STX12: variants seen among roughly 807,000 people sequenced by gnomAD.
The protein encoded by STX12 is syntaxin 12, also known as syntaxin-12.
STX12 carries 17 observed loss-of-function variants against 42.2 expected under a neutral mutation model. The observed-to-expected ratio is 0.40, with a 90% CI of 0.28 to 0.60. The LOEUF is 0.60. Among genes scored for constraint, STX12 ranks in the 20% least tolerant of loss-of-function variants. The pLI, the probability that STX12 is intolerant of heterozygous loss-of-function variation, is 0.39. For missense variants in STX12, 297 were observed against 330.9 expected (o/e 0.90, Z 0.79); for synonymous variants, 108 against 116.7 (o/e 0.93, Z 0.48).
Position 27,819,263 on chromosome 1 carries a change from C to T in STX12, c.650-387C>T, listed in dbSNP as rs186873511. Among the ~76,000 whole-genome samples, 255 of 139,048 alleles carry T rather than the reference C, an allele frequency of 1.8e-3. 2 individuals carry two copies. The highest frequency in any genetic ancestry group is 7.2e-3 in the African/African-American group (249 of 34,412). 91.2% of individuals were successfully genotyped at this position (139,048 alleles called of 152,430 possible). ...CAGTCTAGGTGACAGAGTGAGATCCCGTCTCTTAAAAAAAAAAAAAAAAAA... is the reference window on the plus strand; with the variant it reads ...CAGTCTAGGTGACAGAGTGAGATCCTGTCTCTTAAAAAAAAAAAAAAAAAA... On this transcript the variant is annotated intron_variant, in intron 7 of 8. Coordinates refer to ENST00000373943, the MANE Select transcript of STX12 (RefSeq NM_177424.3).
chr1:27,821,074 G>A (rs1438068825), intron 8 of STX12, among the ~76,000 whole-genome samples: 9 of 149,330 alleles, frequency 6.0e-5, no homozygotes, highest in Non-Finnish European at 1.2e-4. Context: ...GCTAGATGAC[G>A]AGTTAGTGGG....
At position 27,822,238 on chromosome 1, in the gene STX12, C is replaced by T; in HGVS notation, c.740C>T (p.Ser247Phe). 6.2e-7 allele frequency: 1 copy of T among 1,608,010 alleles called. No individual in the cohort carries two copies. The highest frequency in any genetic ancestry group is 8.5e-7 in the Non-Finnish European group (1 of 1,174,512). Residue 247 changes from serine (S) to phenylalanine (F), a missense_variant, in exon 9 of 9, where the codon TCT (serine) becomes TTT (phenylalanine). Physicochemically the swap from Ser to Phe is radical, Grantham distance 155. Coordinates refer to ENST00000373943, the MANE Select transcript of STX12 (RefSeq NM_177424.3). ...ACATATTTCTTTCCTCAGAAAAAAT[C>T]TCGCAAGAAGATGTGTATCCTGGTG... ...LQRAAYYQKKSRKKMCILVLV... is the reference protein window; with the variant it reads ...LQRAAYYQKKFRKKMCILVLV...
chr1:27,797,359 T>C (rs1240353187), intron 3 of STX12, among the ~76,000 whole-genome samples: 1 of 152,104 alleles, frequency 6.6e-6, no homozygotes, highest in Non-Finnish European at 1.5e-5. Flanking sequence ...GCCTGGCCTA[T>C]TCACTTTTTT....
intron 7 of STX12, among the ~76,000 whole-genome samples, chr1:27,819,011 C>A (rs1482158844): frequency 6.6e-6 from 1 of 151,956 alleles, no homozygotes; most frequent in Non-Finnish European, 1.5e-5. Context: ...CATGGTTGCT[C>A]ACGCTTGTAA....
At chr1:27,814,825 G>A (rs57099027) in intron 6 of STX12, among the ~76,000 whole-genome samples, 9,928 of 143,746 alleles carry the variant, frequency 0.069, 1,130 homozygotes, top group East Asian at 0.47. Context: ...GCAACAGAGC[G>A]AGACTCTGTC....
rs1300943813 is a variant in STX12 at position 27,816,451 on chromosome 1, A to T, written c.577-1400A>T. 3.4e-5 allele frequency among the ~76,000 whole-genome samples: 5 copies of T among 148,266 alleles called. 1 individual carries two copies. In the South Asian group the frequency reaches 1.1e-3, roughly 32 times the overall value. ...ATTGTGCCACTGCACTCCAGCCTGG[A>T]TGACAGAGCAAGACTCTGTCTCAAA... On this transcript the variant is annotated intron_variant, in intron 6 of 8. Coordinates refer to ENST00000373943, the MANE Select transcript of STX12 (RefSeq NM_177424.3).
chr1:27,807,224 T>C (rs759590307), intron 4 of STX12, among the ~76,000 whole-genome samples: 2 of 152,172 alleles, frequency 1.3e-5, no homozygotes, highest in African/African-American at 2.4e-5. Context: ...TATACTCTTT[T>C]AGTTATTTTT....
At chr1:27,821,227 G>A (rs1344999121) in intron 8 of STX12, among the ~76,000 whole-genome samples, 3 of 151,686 alleles carry the variant, frequency 2.0e-5, no homozygotes, top group Non-Finnish European at 4.4e-5. Context: ...TGGGATAGCT[G>A]TATTTTACCT....
intron 7 of STX12, 39 bp downstream of exon 7, chr1:27,817,962 A>T: frequency 6.4e-7 from 1 of 1,572,112 alleles, no homozygotes; most frequent in Non-Finnish European, 8.7e-7. Context: ...AGGTGAGTTG[A>T]TAGTATTTGG....
intron 3 of STX12, among the ~76,000 whole-genome samples, chr1:27,795,201 G>A (rs2088775879): frequency 6.6e-6 from 1 of 151,966 alleles, no homozygotes; most frequent in Non-Finnish European, 1.5e-5. Flanking sequence ...ACTTAGAGTA[G>A]AAGTATCAGA....
intron 1 of STX12, among the ~76,000 whole-genome samples, chr1:27,782,768 G>A (rs187194430): frequency 6.6e-6 from 1 of 152,302 alleles, no homozygotes; most frequent in East Asian, 1.9e-4. Flanking sequence ...CCCAGGAGGT[G>A]GAGGTTGCAG....
At chr1:27,789,719 T>C in intron 2 of STX12, 88 bp downstream of exon 2, 1 of 1,018,580 alleles carries the variant, frequency 9.8e-7, no homozygotes, top group Non-Finnish European at 1.5e-6. Flanking sequence ...GTTTCAGGTC[T>C]GGGAAGTCAG....
intron 1 of STX12, among the ~76,000 whole-genome samples, chr1:27,775,172 C>T (rs529440646): frequency 8.5e-5 from 13 of 152,280 alleles, no homozygotes; most frequent in Admixed American, 3.3e-4. Context: ...GCGAAATATT[C>T]ATTCAACATG....
intron 4 of STX12, among the ~76,000 whole-genome samples, chr1:27,807,396 C>T (rs1051799945): frequency 3.3e-5 from 5 of 152,180 alleles, no homozygotes; most frequent in Non-Finnish European, 5.9e-5. Context: ...TATTTACACT[C>T]ATGGAGCAAA....
rs770436906 is a variant in STX12, at chr1:27,812,157, C to T, written c.471-6C>T. 2.6e-6 allele frequency: 4 copies of T among 1,552,814 alleles called. No homozygotes were observed. Among genetic ancestry groups the T allele is most frequent in the African/African-American group, 2.7e-5 (2 of 73,132 alleles). Reference sequence around the variant, plus strand: ...GAAATCACCTAGTGTGCCTGTTTCCCTGCAGCCATGAGGAGTGGAACCAGA... The same window carrying T: ...GAAATCACCTAGTGTGCCTGTTTCCTTGCAGCCATGAGGAGTGGAACCAGA... On this transcript the variant is annotated splice_region_variant and splice_polypyrimidine_tract_variant and intron_variant, in intron 5 of 8. Transcript: ENST00000373943.
At chr1:27,821,619 T>C (rs2088985185) in intron 8 of STX12, among the ~76,000 whole-genome samples, 1 of 152,054 alleles carries the variant, frequency 6.6e-6, no homozygotes, top group Non-Finnish European at 1.5e-5. Context: ...GTTATTAAAA[T>C]ACACATGCAC....
In STX12 at chr1:27,817,863, G is replaced by T. The variant is rs746010530; in HGVS notation, c.589G>T (p.Asp197Tyr). ...TTGTCTTCCTTAGGCTGACATTTTG[G>T]ATGTCAATCAGATATTTAAAGATTT... ...AIRQLEADILDVNQIFKDLAM... is the reference protein window; with the variant it reads ...AIRQLEADILYVNQIFKDLAM... Residue 197 changes from aspartate (D) to tyrosine (Y), a missense_variant, in exon 7 of 9, where the codon GAT (aspartate) becomes TAT (tyrosine). Coordinates refer to ENST00000373943, the MANE Select transcript of STX12 (RefSeq NM_177424.3). 5.6e-6 allele frequency: 9 copies of T among 1,613,880 alleles called. No individual in the cohort carries two copies. Among genetic ancestry groups the T allele is most frequent in the Middle Eastern group, 1.7e-4 (1 of 6,006 alleles).
chr1:27,783,490 T>C (rs12126336), intron 1 of STX12, among the ~76,000 whole-genome samples: 348 of 152,284 alleles, frequency 2.3e-3, no homozygotes, highest in Non-Finnish European at 3.9e-3. Flanking sequence ...TGTGCCATCA[T>C]GCCTGGCTAA....
At chr1:27,821,534 ATT>A (rs1200766353) in intron 8 of STX12, among the ~76,000 whole-genome samples, 1 of 150,404 alleles carries the variant, frequency 6.6e-6, no homozygotes, top group South Asian at 2.1e-4. Flanking sequence ...TCTATGGGTG[ATT>A]TTTTTTTCTC....
Sources: allele counts gnomAD v4.1 joint callset (sites outside exome capture counted in the v4.1 genomes callset), GRCh38; gene constraint gnomAD v4.1.1; transcripts MANE v1.5; gene names NCBI Gene and HGNC (gene_info 2026-07-23, HGNC 2026-07-21).